The following CDH12 variants were observed in gnomAD, a reference collection of about 807,000 sequenced individuals.
The protein encoded by CDH12 is cadherin-12.
Under a neutral mutation model 74.1 loss-of-function variants are expected in CDH12, and 41 were observed. That is an observed-to-expected ratio of 0.55 (90% CI 0.43 to 0.72). CDH12 has a LOEUF of 0.72. CDH12 is among the 30% of genes least tolerant of loss of function. The probability of loss-of-function intolerance (pLI) is 0.00; values close to 1 mark genes in which losing one functional copy is unlikely to be tolerated. For synonymous variants in CDH12, 399 were observed against 355.0 expected (o/e 1.12, Z -1.39); for missense variants, 945 against 977.2 (o/e 0.97, Z 0.44).
intron 11 of CDH12, among the ~76,000 whole-genome samples, chr5:21,769,009 A>T (rs966974927): frequency 5.9e-5 from 9 of 152,082 alleles, no homozygotes; most frequent in African/African-American, 2.2e-4. Flanking sequence ...ACAAGGAAGA[A>T]CAAAATGTTA....
At chr5:22,642,612 G>A (rs1446917075) in intron 1 of CDH12, among the ~76,000 whole-genome samples, 5 of 152,084 alleles carry the variant, frequency 3.3e-5, no homozygotes, top group South Asian at 2.1e-4. Flanking sequence ...AATCTAAGTC[G>A]AGGCCATAGG....
At chr5:21,979,334 T>C (rs1470725239) in intron 5 of CDH12, among the ~76,000 whole-genome samples, 1 of 152,156 alleles carries the variant, frequency 6.6e-6, no homozygotes, top group African/African-American at 2.4e-5. Flanking sequence ...GCTGTAGAAA[T>C]AGGCACTGTC....
At chr5:22,420,941 T>A (rs905857773) in intron 2 of CDH12, among the ~76,000 whole-genome samples, 1 of 152,122 alleles carries the variant, frequency 6.6e-6, no homozygotes, top group Non-Finnish European at 1.5e-5. Flanking sequence ...ATTTTATTCT[T>A]TTTGTAGCAA....
At chr5:22,270,397 C>T (rs913149393) in intron 3 of CDH12, among the ~76,000 whole-genome samples, 2 of 151,820 alleles carry the variant, frequency 1.3e-5, no homozygotes, top group Non-Finnish European at 2.9e-5. Context: ...AGATCGAGAC[C>T]ATCCTGGATA....
At chr5:22,303,754 A>G (rs546918068) in intron 3 of CDH12, among the ~76,000 whole-genome samples, 1 of 152,254 alleles carries the variant, frequency 6.6e-6, no homozygotes, top group Non-Finnish European at 1.5e-5. Flanking sequence ...GAGCTAGACA[A>G]TATGTCAACT....
At chr5:22,048,020 G>A (rs1040334863) in intron 5 of CDH12, among the ~76,000 whole-genome samples, 3 of 152,124 alleles carry the variant, frequency 2.0e-5, no homozygotes, top group African/African-American at 7.2e-5. Flanking sequence ...TCTATGGAGG[G>A]CTGTCAAGTG....
chr5:21,852,087 A>C (rs1750497105), intron 7 of CDH12, among the ~76,000 whole-genome samples: 1 of 151,490 alleles, frequency 6.6e-6, no homozygotes, highest in Non-Finnish European at 1.5e-5. Context: ...GAGAAATTGC[A>C]ATTATCCTTG....
At chr5:22,131,945 G>C (rs1389931471) in intron 4 of CDH12, among the ~76,000 whole-genome samples, 1 of 152,032 alleles carries the variant, frequency 6.6e-6, no homozygotes, top group African/African-American at 2.4e-5. Context: ...ATGATTAGGA[G>C]GCAAAAAGCT....
At chr5:22,159,663 G>T (rs1372876833) in intron 4 of CDH12, among the ~76,000 whole-genome samples, 2 of 151,994 alleles carry the variant, frequency 1.3e-5, no homozygotes, top group Admixed American at 1.3e-4. Context: ...AACTACCACA[G>T]CAAAAACTCA....
At chr5:22,412,791 T>C (rs1223050988) in intron 2 of CDH12, among the ~76,000 whole-genome samples, 1 of 151,990 alleles carries the variant, frequency 6.6e-6, no homozygotes, top group African/African-American at 2.4e-5. Context: ...TACCTTTTTA[T>C]GCCAAAGGAC....
intron 1 of CDH12, among the ~76,000 whole-genome samples, chr5:22,837,842 G>A (rs1186418001): frequency 6.6e-6 from 1 of 152,084 alleles, no homozygotes; most frequent in Non-Finnish European, 1.5e-5. Context: ...TTTCTTTGAC[G>A]TGGAAGTTAA....
chr5:22,231,490 C>A (rs868339740), intron 3 of CDH12, among the ~76,000 whole-genome samples: 39 of 151,662 alleles, frequency 2.6e-4, no homozygotes, highest in African/African-American at 8.0e-4. Flanking sequence ...TATATGGTAC[C>A]ATTAAAGTAG....
At chr5:21,790,079 T>C (rs753406838) in intron 10 of CDH12, among the ~76,000 whole-genome samples, 1 of 152,074 alleles carries the variant, frequency 6.6e-6, no homozygotes, top group Non-Finnish European at 1.5e-5. Flanking sequence ...GTTTTTACAG[T>C]GAGTGTCTTT....
intron 4 of CDH12, among the ~76,000 whole-genome samples, chr5:22,196,264 T>A (rs760966241): frequency 6.6e-6 from 1 of 151,146 alleles, no homozygotes; most frequent in African/African-American, 2.4e-5. Context: ...CTTGCCTCAG[T>A]CTCCTGCGTG....
At chr5:22,734,920 A>G (rs1003179589) in intron 1 of CDH12, among the ~76,000 whole-genome samples, 2 of 151,964 alleles carry the variant, frequency 1.3e-5, no homozygotes. Flanking sequence ...AGTGTTCTGT[A>G]AAGATTAGAC....
intron 3 of CDH12, among the ~76,000 whole-genome samples, chr5:22,377,212 C>T (rs936734526): frequency 2.6e-5 from 4 of 152,166 alleles, no homozygotes; most frequent in Non-Finnish European, 5.9e-5. Flanking sequence ...TACAGTTCTT[C>T]CATCCACAAT....
At chr5:22,577,562 G>A (rs976773661) in intron 1 of CDH12, among the ~76,000 whole-genome samples, 1 of 152,080 alleles carries the variant, frequency 6.6e-6, no homozygotes, top group Admixed American at 6.6e-5. Flanking sequence ...TGTAGGCTGA[G>A]GTGAGGAGGC....
intron 6 of CDH12, among the ~76,000 whole-genome samples, chr5:21,878,250 A>G (rs886321133): frequency 1.4e-4 from 21 of 152,334 alleles, no homozygotes; most frequent in African/African-American, 5.1e-4. Context: ...AGTAATTGTT[A>G]CAAAAATAAA....
chr5:22,417,071 T>C (rs1204080340), intron 2 of CDH12, among the ~76,000 whole-genome samples: 1 of 152,228 alleles, frequency 6.6e-6, no homozygotes, highest in African/African-American at 2.4e-5. Flanking sequence ...TTGATTCTTT[T>C]ATCTCTCTTA....
Sources: allele counts gnomAD v4.1 joint callset (sites outside exome capture counted in the v4.1 genomes callset), GRCh38; gene constraint gnomAD v4.1.1; transcripts MANE v1.5; gene names NCBI Gene and HGNC (gene_info 2026-07-23, HGNC 2026-07-21).